The following RASGRF2 variants were observed in gnomAD, a reference collection of about 807,000 sequenced individuals.
RASGRF2 encodes Ras protein specific guanine nucleotide releasing factor 2.
RASGRF2 carries 76 observed loss-of-function variants against 151.0 expected under a neutral mutation model. The ratio of observed to expected loss-of-function variants is 0.50; its 90% CI spans 0.42 to 0.61. RASGRF2 has a LOEUF of 0.61. RASGRF2 is among the 20% of genes least tolerant of loss of function. RASGRF2 has a pLI of 0.00. For synonymous variants in RASGRF2, 504 were observed against 566.5 expected, an observed-to-expected ratio of 0.89 and a Z score of 1.57; for missense variants, 1,148 against 1,564.6, an observed-to-expected ratio of 0.73 and a Z score of 4.49.
intron 2 of RASGRF2, among the ~76,000 whole-genome samples, chr5:81,046,385 A>AG (rs1750837072): frequency 6.6e-6 from 1 of 152,062 alleles, no homozygotes; most frequent in Non-Finnish European, 1.5e-5. Context: ...GATCTGGCCC[A>AG]GAAAAAAAAA....
At chr5:81,104,181 A>C (rs951864006) in intron 12 of RASGRF2, among the ~76,000 whole-genome samples, 1 of 152,168 alleles carries the variant, frequency 6.6e-6, no homozygotes, top group Non-Finnish European at 1.5e-5. Context: ...CAGAAAAATG[A>C]TGATCTGTAG....
At chr5:81,115,097 A>G (rs572936965) in intron 15 of RASGRF2, among the ~76,000 whole-genome samples, 3 of 152,332 alleles carry the variant, frequency 2.0e-5, no homozygotes, top group Admixed American at 1.3e-4. Flanking sequence ...TGGGCAATAA[A>G]TCAGACAAAG....
intron 2 of RASGRF2, among the ~76,000 whole-genome samples, chr5:81,049,832 A>G (rs1750955388): frequency 6.6e-6 from 1 of 152,168 alleles, no homozygotes; most frequent in South Asian, 2.1e-4. Flanking sequence ...AAACCTATGC[A>G]CTTAACCACA....
At chr5:81,057,426 A>G (rs542928927) in intron 2 of RASGRF2, among the ~76,000 whole-genome samples, 4 of 152,202 alleles carry the variant, frequency 2.6e-5, no homozygotes, top group Non-Finnish European at 4.4e-5. Context: ...CTTCTATAAG[A>G]TAACTAAGGT....
At chr5:81,110,630 G>T (rs1411824509) in intron 13 of RASGRF2, among the ~76,000 whole-genome samples, 1 of 148,562 alleles carries the variant, frequency 6.7e-6, no homozygotes, top group Non-Finnish European at 1.5e-5. Context: ...CCTTTATAGG[G>T]TATGTAGACT....
Position 81,028,849 on chromosome 5 carries a change from G to C in RASGRF2, c.289-14028G>C, listed in dbSNP as rs189467849. On this transcript the variant is annotated intron_variant, in intron 1 of 26. Coordinates refer to ENST00000265080, the MANE Select transcript of RASGRF2 (RefSeq NM_006909.3). Reference sequence around the variant, plus strand: ...GGAGCATGAGCAGAAGCAGGGCAGGGCATCACCTCACCCGGGAAGTGCAAG... The same window carrying C: ...GGAGCATGAGCAGAAGCAGGGCAGGCCATCACCTCACCCGGGAAGTGCAAG... Among the ~76,000 whole-genome samples the C allele has an allele frequency of 7.0e-3, 1,070 of 152,286 alleles. 10 individuals carry two copies. Among genetic ancestry groups the C allele is most frequent in the African/African-American group, 0.025 (1,018 of 41,542 alleles).
In RASGRF2 at chr5:81,073,285, T is replaced by C. The variant is rs200188553; in HGVS notation, c.720T>C (p.Ser240=). The change falls in exon 5 of 27, where the codon AGT becomes AGC. Residue 240 remains serine (S), a synonymous_variant. Coordinates refer to ENST00000265080, the MANE Select transcript of RASGRF2 (RefSeq NM_006909.3). ...QDYICSPHAE[S]MRKRNQIVFT... ...ACATTTGTTCTCCTCATGCTGAAAG[T>C]ATGAGGAAGAGAAACCAGATTGTGT... The C allele has an allele frequency of 5.2e-4, 837 of 1,613,452 alleles. 1 individual carries two copies. The highest frequency in any genetic ancestry group is 4.3e-4 in the Non-Finnish European group (506 of 1,179,422).
chr5:81,062,968 G>T (rs1048938130), intron 2 of RASGRF2, among the ~76,000 whole-genome samples: 2 of 151,540 alleles, frequency 1.3e-5, no homozygotes, highest in African/African-American at 2.4e-5. Context: ...TGTTATGCAG[G>T]CTCAAAATAT....
At chr5:81,030,117 GAAAC>G (rs1338133012) in intron 1 of RASGRF2, among the ~76,000 whole-genome samples, 1 of 152,176 alleles carries the variant, frequency 6.6e-6, no homozygotes, top group African/African-American at 2.4e-5. Context: ...AGAGTAAAAA[GAAAC>G]AAACAAAGCC....
chr5:81,113,966 C>T (rs375036740), intron 15 of RASGRF2, 46 bp downstream of exon 15: 28 of 1,560,760 alleles, frequency 1.8e-5, no homozygotes, highest in Admixed American at 7.1e-5. Flanking sequence ...ATTTGCTGGC[C>T]GCCTGCCTCC....
In RASGRF2 at chr5:81,212,453, G is replaced by T. The variant is rs1755648444; in HGVS notation, c.3244G>T (p.Asp1082Tyr). ...CATCGAGAAATGGGTGGCAGTGGCG[G>T]ACATCTGCCGATGCCTGCACAACTA... is the stretch of plus-strand genomic sequence containing the variant. ...NAIEKWVAVA[D>Y]ICRCLHNYNG... is the part of the protein sequence containing the mutation. Residue 1082 changes from aspartate (D) to tyrosine (Y), a missense_variant, in exon 23 of 27, where the codon GAC (aspartate) becomes TAC (tyrosine). By Grantham distance (160) the Asp-to-Tyr change is radical. Coordinates refer to ENST00000265080, the MANE Select transcript of RASGRF2 (RefSeq NM_006909.3). 1 of 1,613,756 alleles carries T rather than the reference G, an allele frequency of 6.2e-7. No individual in the cohort carries two copies. The highest frequency in any genetic ancestry group is 1.7e-5 in the Admixed American group (1 of 59,976).
intron 1 of RASGRF2, 91 bp downstream of exon 1, chr5:80,961,117 A>G: frequency 1.5e-6 from 2 of 1,352,688 alleles, no homozygotes; most frequent in South Asian, 3.4e-5. Flanking sequence ...GGGGGTCGTG[A>G]AAGAGTGCGG....
At chr5:81,028,770 C>G (rs1039874786) in intron 1 of RASGRF2, among the ~76,000 whole-genome samples, 5 of 152,230 alleles carry the variant, frequency 3.3e-5, no homozygotes, top group Non-Finnish European at 5.9e-5. Context: ...GCATTTCCAA[C>G]TGAGGTACCA....
intron 1 of RASGRF2, among the ~76,000 whole-genome samples, chr5:81,034,379 A>G (rs1313701995): frequency 6.6e-6 from 1 of 152,032 alleles, no homozygotes; most frequent in Non-Finnish European, 1.5e-5. Context: ...ACCATTGTGG[A>G]AGACAGTGTG....
At chr5:81,093,085 A>C (rs1313901595) in intron 10 of RASGRF2, 124 bp downstream of exon 10, 1 of 1,036,282 alleles carries the variant, frequency 9.6e-7, no homozygotes, top group Non-Finnish European at 1.4e-6. Flanking sequence ...TTGCATAATG[A>C]GTGAGGTAAT....
rs193232124 is a variant in RASGRF2 at position 80,998,708 on chromosome 5, G to A, written c.288+37682G>A. 2.2e-3 allele frequency among the ~76,000 whole-genome samples: 338 copies of A among 152,222 alleles called. 2 individuals carry two copies. Among genetic ancestry groups the A allele is most frequent in the African/African-American group, 7.8e-3 (325 of 41,536 alleles). ...CTTCTGCTGTGCGTTCTACACCCAC[G>A]CTCCACCCTTTTTCACCCTGCTCTG... On this transcript the variant is annotated intron_variant, in intron 1 of 26. Coordinates refer to ENST00000265080, the MANE Select transcript of RASGRF2 (RefSeq NM_006909.3).
At chr5:81,099,671 C>T (rs1752642005) in intron 12 of RASGRF2, among the ~76,000 whole-genome samples, 1 of 152,164 alleles carries the variant, frequency 6.6e-6, no homozygotes, top group African/African-American at 2.4e-5. Context: ...ACATTTATCA[C>T]ATTTTTCTAT....
At chr5:81,002,388 T>C (rs1403768494) in intron 1 of RASGRF2, among the ~76,000 whole-genome samples, 3 of 152,230 alleles carry the variant, frequency 2.0e-5, no homozygotes, top group Admixed American at 6.5e-5. Flanking sequence ...AAGATGCCAT[T>C]CATTTGCTAT....
Position 81,162,335 on chromosome 5 carries a change from G to A in RASGRF2, c.2687-17840G>A, listed in dbSNP as rs377426976. On this transcript the variant is annotated intron_variant, in intron 17 of 26. Transcript: ENST00000265080. ...CTCTAAATGTGGAATGTGCTGGGGG[G>A]TTTTTTTGTTTTGTTTTTGTTTTTG... Among the ~76,000 whole-genome samples, 10 of 151,114 alleles carry A rather than the reference G, an allele frequency of 6.6e-5. 2 individuals carry two copies. Among genetic ancestry groups the A allele is most frequent in the African/African-American group, 2.4e-4 (10 of 41,122 alleles).
Sources: allele counts gnomAD v4.1 joint callset (sites outside exome capture counted in the v4.1 genomes callset), GRCh38; gene constraint gnomAD v4.1.1; transcripts MANE v1.5; gene names NCBI Gene and HGNC (gene_info 2026-07-23, HGNC 2026-07-21).